The following SEPTIN3 variants were observed in gnomAD, a reference collection of about 807,000 sequenced individuals.
The protein encoded by SEPTIN3 is septin 3.
A neutral mutation model predicts 45.1 loss-of-function variants in SEPTIN3; 15 were observed. That is an observed-to-expected ratio of 0.33 (90% CI 0.22 to 0.51). SEPTIN3 has a LOEUF of 0.51. SEPTIN3 is among the 20% of genes least tolerant of loss of function. The pLI is 0.97. For synonymous variants in SEPTIN3, 148 were observed against 164.8 expected, an observed-to-expected ratio of 0.90 and a Z score of 0.78; for missense variants, 289 against 457.2, an observed-to-expected ratio of 0.63 and a Z score of 3.35.
Position 41,997,089 on chromosome 22 carries a change from G to T in SEPTIN3, c.*122G>T. The T allele has an allele frequency of 6.5e-7, 1 of 1,548,152 alleles. No homozygotes were observed. The highest frequency in any genetic ancestry group is 8.7e-7 in the Non-Finnish European group (1 of 1,147,684). ...CACAGCCCCTCTCAGCCCTCAGTAGGTGGGAGGGGCCAGCTGCCTCTTTAG... is the reference window on the plus strand; with the variant it reads ...CACAGCCCCTCTCAGCCCTCAGTAGTTGGGAGGGGCCAGCTGCCTCTTTAG... On this transcript the variant is annotated 3_prime_UTR_variant, in exon 12 of 12. Coordinates refer to ENST00000644076, the MANE Select transcript of SEPTIN3 (RefSeq NM_001363845.2).
rs527688962 is a variant in SEPTIN3, at chr22:41,998,207, C to G, written c.*1240C>G. 6.5e-6 allele frequency: 1 copy of G among 152,682 alleles called. No individual in the cohort carries two copies. Among genetic ancestry groups the G allele is most frequent in the Non-Finnish European group, 1.5e-5 (1 of 68,070 alleles). The allele number at this position is 152,682 out of a possible 1,614,324, so 9.5% of individuals were successfully genotyped here. Reference sequence around the variant, plus strand: ...TTATGTGTTGTACAACTAAACATTGCTGTTTGAACAGTAACTGCCTGGCCT... The same window carrying G: ...TTATGTGTTGTACAACTAAACATTGGTGTTTGAACAGTAACTGCCTGGCCT... On this transcript the variant is annotated 3_prime_UTR_variant, in exon 12 of 12. Transcript: ENST00000644076.
At chr22:41,977,900 G>A (rs968616684) in intron 2 of SEPTIN3, among the ~76,000 whole-genome samples, 1 of 152,190 alleles carries the variant, frequency 6.6e-6, no homozygotes. Flanking sequence ...TCAGGTGGAT[G>A]GTGCCTCTCC....
rs1312883088 is a variant in SEPTIN3, at chr22:41,972,919, T to C, written c.1427T>C (p.Leu476Pro). 1.0e-5 allele frequency: 4 copies of C among 399,078 alleles called. No individual in the cohort carries two copies. The highest frequency in any genetic ancestry group is 3.6e-5 in the East Asian group (1 of 28,096). 24.7% of individuals were successfully genotyped at this position (399,078 alleles called of 1,614,324 possible). Reference sequence around the variant, plus strand: ...CTAATGCCAAGCAGATCCACAGACCTAGCCCTGGACAACACTAATGCTGCC... The same window carrying C: ...CTAATGCCAAGCAGATCCACAGACCCAGCCCTGGACAACACTAATGCTGCC... ...CLLMPSRSTD[L>P]ALDNTNAAMD... The change falls in exon 2 of 12, where the codon CTA becomes CCA. Residue 476 changes from leucine to proline, a missense_variant. By Grantham distance (98) the Leu-to-Pro change is moderately conservative. Around this residue, in one of 3 missense-constraint regions of SEPTIN3, gnomAD observed 200 missense variants for 315.1 expected, o/e 0.63. Coordinates refer to ENST00000644076, the MANE Select transcript of SEPTIN3 (RefSeq NM_001363845.2).
chr22:41,977,139 TG>T, intron 2 of SEPTIN3: 1 of 1,528,336 alleles, frequency 6.5e-7, no homozygotes, highest in Non-Finnish European at 8.8e-7. Context: ...CCAGCGCGGC[TG>T]GAGGCGCTCC....
At chr22:41,974,612 G>A (rs570996224) in intron 2 of SEPTIN3, among the ~76,000 whole-genome samples, 11 of 148,966 alleles carry the variant, frequency 7.4e-5, no homozygotes, top group South Asian at 6.3e-4. Context: ...GCAGTGAGCC[G>A]AGATTGCGCC....
At chr22:41,982,427 G>T (rs1400491906) in intron 3 of SEPTIN3, among the ~76,000 whole-genome samples, 2 of 152,218 alleles carry the variant, frequency 1.3e-5, no homozygotes, top group Non-Finnish European at 2.9e-5. Context: ...AGAATCGCTC[G>T]AACCCGGGAG....
chr22:41,984,292 G>A (rs2078166971), intron 3 of SEPTIN3, among the ~76,000 whole-genome samples: 1 of 152,176 alleles, frequency 6.6e-6, no homozygotes, highest in Non-Finnish European at 1.5e-5. Flanking sequence ...TTGTCCCCCA[G>A]CATGGTTCTT....
chr22:41,987,670 G>A lies in SEPTIN3; in HGVS notation c.1956G>A (p.Leu652=). Residue 652 remains leucine (L), a synonymous_variant, in exon 6 of 12, where the codon CTG becomes CTA. Coordinates refer to ENST00000644076, the MANE Select transcript of SEPTIN3 (RefSeq NM_001363845.2). ...KYINEQYEKF[L]KEEVNIARKK... ...TCAATGAGCAGTACGAGAAGTTCCT[G>A]AAGGAGGAGGTCAACATCGCCAGGA... 1 of 1,614,122 alleles carries A rather than the reference G, an allele frequency of 6.2e-7. No individual in the cohort carries two copies. The highest frequency in any genetic ancestry group is 8.5e-7 in the Non-Finnish European group (1 of 1,179,968).
At chr22:41,973,754 G>C (rs549891336) in intron 2 of SEPTIN3, among the ~76,000 whole-genome samples, 20 of 152,194 alleles carry the variant, frequency 1.3e-4, no homozygotes, top group African/African-American at 4.6e-4. Flanking sequence ...GCCAAGGCGG[G>C]TGGATCACTT....
intron 4 of SEPTIN3, among the ~76,000 whole-genome samples, chr22:41,986,569 G>A (rs184733216): frequency 2.0e-5 from 3 of 151,140 alleles, no homozygotes; most frequent in East Asian, 1.9e-4. Context: ...GTGCGATCTC[G>A]GCTCACTGCA....
chr22:41,971,334 A>G, intron 1 of SEPTIN3, 140 bp from the exon 2 acceptor site: 1 of 397,438 alleles, frequency 2.5e-6, no homozygotes, highest in East Asian at 3.6e-5. Flanking sequence ...TGCATCCTCC[A>G]CTAAGGACTG....
rs1355186215 is a variant in SEPTIN3 at position 41,976,185 on chromosome 22, C to T, written c.1504+3189C>T. On this transcript the variant is annotated intron_variant, in intron 2 of 11. Transcript: ENST00000644076. This position sits in a 1 kb window ranked among gnomAD's most constrained non-coding sequence, Gnocchi z 5.8. ...CCAAGAAGTCTTCCAAGCCCCCTCT[C>T]CCCAGGGTGCCCACCTGCCTGCACC... The T allele has an allele frequency of 6.6e-6, 1 of 152,612 alleles. No homozygotes were observed. Among genetic ancestry groups the T allele is most frequent in the Non-Finnish European group, 1.5e-5 (1 of 68,366 alleles). 9.5% of individuals were successfully genotyped at this position (152,612 alleles called of 1,614,324 possible). A position where few individuals can be genotyped will look rare whatever the true frequency, so the allele number is the denominator to read the frequency against.
Position 41,971,935 on chromosome 22 carries a change from C to T in SEPTIN3, c.443C>T (p.Ser148Phe). ...GCTCCCCATGAAGGAGGGAGGGTGT[C>T]CTCGCCAGGCTCGCCACCTGTGACC... ...KAAPHEGGRV[S>F]SPGSPPVTLV... Residue 148 changes from serine (S) to phenylalanine (F), a missense_variant, in exon 2 of 12, where the codon TCC becomes TTC. This residue lies in a region of SEPTIN3 where 200 missense variants were observed against 315.1 expected (regional missense o/e 0.63). Coordinates refer to ENST00000644076, the MANE Select transcript of SEPTIN3 (RefSeq NM_001363845.2). The T allele has an allele frequency of 2.5e-6, 1 of 399,152 alleles. No individual in the cohort carries two copies. The highest frequency in any genetic ancestry group is 4.4e-6 in the Non-Finnish European group (1 of 226,150). 24.7% of individuals were successfully genotyped at this position (399,152 alleles called of 1,614,324 possible). A position where few individuals can be genotyped will look rare whatever the true frequency, so the allele number is the denominator to read the frequency against.
At chr22:41,989,173 G>C (rs914399323) in intron 6 of SEPTIN3, among the ~76,000 whole-genome samples, 1 of 147,714 alleles carries the variant, frequency 6.8e-6, no homozygotes, top group African/African-American at 2.5e-5. Flanking sequence ...GTTTTTTTTT[G>C]GTTGTTGTTG....
chr22:41,973,455 C>T (rs1164536257), intron 2 of SEPTIN3, among the ~76,000 whole-genome samples: 5 of 146,218 alleles, frequency 3.4e-5, no homozygotes, highest in Non-Finnish European at 7.4e-5. Context: ...GTCAGGAGAT[C>T]GAGACCATCC....
rs12166497 is a variant in SEPTIN3 at position 41,974,235 on chromosome 22, A to G, written c.1504+1239A>G. ...AGTCCTCCTTTCAGCATCTCCCGGGATTGTTTGTTTCCTGAAGACCTGGAA... is the reference window on the plus strand; with the variant it reads ...AGTCCTCCTTTCAGCATCTCCCGGGGTTGTTTGTTTCCTGAAGACCTGGAA... On this transcript the variant is annotated intron_variant, in intron 2 of 11. Coordinates refer to ENST00000644076, the MANE Select transcript of SEPTIN3 (RefSeq NM_001363845.2). Among the ~76,000 whole-genome samples the G allele has an allele frequency of 5.4e-3, 818 of 151,916 alleles. 2 individuals are homozygous for G. The highest frequency in any genetic ancestry group is 0.019 in the African/African-American group (770 of 41,380).
At chr22:41,977,004 T>A (rs571954847) in intron 2 of SEPTIN3, 2 of 1,561,354 alleles carry the variant, frequency 1.3e-6, no homozygotes, top group Admixed American at 1.8e-5. Flanking sequence ...CGCGCCCCGC[T>A]CAGCCTTGCA....
At chr22:41,973,019 G>C in intron 2 of SEPTIN3, 23 bp downstream of exon 2, 1 of 398,842 alleles carries the variant, frequency 2.5e-6, no homozygotes, top group East Asian at 3.6e-5. Flanking sequence ...ACTTGGTTGG[G>C]GATGGACTAG....
chr22:41,994,883 C>CTGTGTGTGTGTGTGTG lies in SEPTIN3; in HGVS notation c.2505+194_2505+209dup, dbSNP rs59942714. The CTGTGTGTGTGTGTGTG allele has an allele frequency of 1.3e-4, 178 of 1,343,458 alleles. No individual in the cohort carries two copies. In the East Asian group the frequency reaches 2.9e-3, roughly 22 times the overall value. 83.2% of individuals were successfully genotyped at this position (1,343,458 alleles called of 1,614,324 possible). On this transcript the variant is annotated intron_variant, in intron 11 of 11. Coordinates refer to ENST00000644076, the MANE Select transcript of SEPTIN3 (RefSeq NM_001363845.2). The surrounding 1 kb of genome is among the most constrained non-coding windows in gnomAD (Gnocchi z 4.2). ...GTCTGGTATTTGTGGAGCATCTTGT[C>CTGTGTGTGTGTGTGTG]TGTGTGTGTGTGTGTGTGTGTGTGT...
Sources: allele counts gnomAD v4.1 joint callset (sites outside exome capture counted in the v4.1 genomes callset), GRCh38; gene constraint gnomAD v4.1.1; regional missense constraint gnomAD v4.1.1; non-coding constraint Gnocchi (gnomAD v3.1); transcripts MANE v1.5; gene names NCBI Gene and HGNC (gene_info 2026-07-23, HGNC 2026-07-21).